The following COBL variants were observed in gnomAD, a reference collection of about 807,000 sequenced individuals.
The protein encoded by COBL is cordon-bleu WH2 repeat protein.
In COBL, 51 loss-of-function variants were observed where a neutral mutation model predicts 98.8. The observed-to-expected ratio is 0.52, with a 90% CI of 0.41 to 0.65. COBL has a LOEUF of 0.65. Ranked by LOEUF, COBL falls within the 30% of genes least tolerant of loss-of-function variation. The pLI is 0.00. For synonymous variants in COBL, 634 were observed against 651.7 expected, an observed-to-expected ratio of 0.97 and a Z score of 0.41; for missense variants, 1,617 against 1,617.5, an observed-to-expected ratio of 1.00 and a Z score of 0.01.
chr7:51,213,065 C>A (rs1480676895), intron 2 of COBL, among the ~76,000 whole-genome samples: 1 of 152,224 alleles, frequency 6.6e-6, no homozygotes, highest in South Asian at 2.1e-4. Flanking sequence ...ACTGTCAAAT[C>A]TTAAACTGGT....
At chr7:51,067,182 C>T (rs1792019074) in intron 7 of COBL, among the ~76,000 whole-genome samples, 1 of 152,208 alleles carries the variant, frequency 6.6e-6, no homozygotes, top group South Asian at 2.1e-4. Flanking sequence ...CTGTCCTTGG[C>T]CTCATATCTT....
chr7:51,309,100 T>C (rs751718135), intron 1 of COBL, among the ~76,000 whole-genome samples: 41 of 152,080 alleles, frequency 2.7e-4, no homozygotes, highest in Non-Finnish European at 4.6e-4. Context: ...AACACCTACG[T>C]TCCCCCGGCC....
At chr7:51,040,179 A>T (rs187398619) in intron 8 of COBL, among the ~76,000 whole-genome samples, 57 of 146,490 alleles carry the variant, frequency 3.9e-4, no homozygotes, top group Non-Finnish European at 6.5e-4. Flanking sequence ...TTGTCAGTTG[A>T]GATAATTTCT....
chr7:51,172,326 G>A lies in COBL; in HGVS notation c.783+11776C>T, dbSNP rs887960829. On this transcript the variant is annotated intron_variant, in intron 5 of 12. Coordinates refer to ENST00000265136, the MANE Select transcript of COBL (RefSeq NM_015198.5). ...AAAAAAGAATCAATAGGCGGCTTTC[G>A]ACTCTATCTAGACTACAAAAAACAA... is the stretch of plus-strand genomic sequence containing the variant. The A allele has an allele frequency of 1.4e-5, 5 of 347,670 alleles. No individual in the cohort carries two copies. The East Asian group carries it at 3.7e-4, about 25-fold the overall frequency. 21.5% of individuals were successfully genotyped at this position (347,670 alleles called of 1,614,324 possible).
At chr7:51,021,222 C>T (rs547193601) in intron 12 of COBL, 1 of 152,350 alleles carries the variant, frequency 6.6e-6, no homozygotes, top group South Asian at 2.1e-4. Flanking sequence ...TACTGAGAAC[C>T]TATGGAGAAA....
At chr7:51,122,260 C>T (rs1233554290) in intron 6 of COBL, among the ~76,000 whole-genome samples, 1 of 152,224 alleles carries the variant, frequency 6.6e-6, no homozygotes, top group Admixed American at 6.5e-5. Flanking sequence ...CCTTTCTCTG[C>T]ACACTGGCGT....
At chr7:51,201,092 T>C (rs1256886823) in intron 2 of COBL, among the ~76,000 whole-genome samples, 1 of 151,648 alleles carries the variant, frequency 6.6e-6, no homozygotes, top group African/African-American at 2.4e-5. Context: ...TACCAAAAAT[T>C]AGCTGGGCGT....
At chr7:51,219,614 T>A in intron 2 of COBL, 127 bp downstream of exon 2, 1 of 978,196 alleles carries the variant, frequency 1.0e-6, no homozygotes, top group Non-Finnish European at 1.5e-6. Flanking sequence ...CCGATTTATA[T>A]CCATGAGGTT....
At chr7:51,054,548 G>GT (rs1213741266) in intron 7 of COBL, among the ~76,000 whole-genome samples, 1 of 152,112 alleles carries the variant, frequency 6.6e-6, no homozygotes, top group Non-Finnish European at 1.5e-5. Context: ...ACTTTCTGAT[G>GT]TTTTTTCTCC....
intron 1 of COBL, among the ~76,000 whole-genome samples, chr7:51,294,045 C>T (rs1046614099): frequency 7.2e-5 from 11 of 152,154 alleles, no homozygotes; most frequent in African/African-American, 2.4e-4. Context: ...AATCTCAGCA[C>T]TTTGGGAGGC....
chr7:51,024,507 T>C (rs1490574428), intron 12 of COBL, among the ~76,000 whole-genome samples: 11 of 151,956 alleles, frequency 7.2e-5, no homozygotes, highest in Non-Finnish European at 1.5e-5. Context: ...AGGAATTCCA[T>C]TGCAGGGGCC....
intron 1 of COBL, among the ~76,000 whole-genome samples, chr7:51,255,350 C>T (rs1171986683): frequency 6.6e-6 from 1 of 152,174 alleles, no homozygotes; most frequent in African/African-American, 2.4e-5. Flanking sequence ...CTCTGGGAAA[C>T]TCATCAACAA....
chr7:51,076,531 A>C (rs780633311), intron 7 of COBL, among the ~76,000 whole-genome samples: 23 of 152,220 alleles, frequency 1.5e-4, no homozygotes, highest in Non-Finnish European at 3.1e-4. Context: ...CTTAAAATGT[A>C]AATCATTATT....
intron 1 of COBL, among the ~76,000 whole-genome samples, chr7:51,255,629 C>T (rs1267496044): frequency 1.3e-5 from 2 of 152,170 alleles, no homozygotes; most frequent in Non-Finnish European, 2.9e-5. Context: ...ACCAGTGGCA[C>T]GACTAGGAAA....
intron 1 of COBL, among the ~76,000 whole-genome samples, chr7:51,292,314 CT>C (rs1800981635): frequency 6.6e-6 from 1 of 152,166 alleles, no homozygotes. Flanking sequence ...TGAAATGAAT[CT>C]TCAAATCAAT....
At chr7:51,029,810 G>C (rs1380947250) in intron 9 of COBL, among the ~76,000 whole-genome samples, 1 of 152,176 alleles carries the variant, frequency 6.6e-6, no homozygotes, top group African/African-American at 2.4e-5. Context: ...GATGTTTCAA[G>C]GCAAGGTATT....
Position 51,038,245 on chromosome 7 carries a change from G to A in COBL, c.1406+5138C>T, listed in dbSNP as rs552519137. On this transcript the variant is annotated intron_variant, in intron 8 of 12. Coordinates refer to ENST00000265136, the MANE Select transcript of COBL (RefSeq NM_015198.5). ...TTAATGCCTTGGCTCCAAGGACACCGAATGGAGCCCACCAATGCTGCCATG... is the reference window on the plus strand; with the variant it reads ...TTAATGCCTTGGCTCCAAGGACACCAAATGGAGCCCACCAATGCTGCCATG... 3.3e-5 allele frequency among the ~76,000 whole-genome samples: 5 copies of A among 152,320 alleles called. No individual in the cohort carries two copies. The East Asian group carries it at 7.7e-4, about 24-fold the overall frequency.
At chr7:51,207,095 T>C (rs1791806803) in intron 2 of COBL, among the ~76,000 whole-genome samples, 1 of 152,192 alleles carries the variant, frequency 6.6e-6, no homozygotes, top group South Asian at 2.1e-4. Flanking sequence ...ATTTCACAAA[T>C]ATATATGTAT....
At chr7:51,046,063 G>C (rs1789656966) in intron 7 of COBL, among the ~76,000 whole-genome samples, 1 of 118,584 alleles carries the variant, frequency 8.4e-6, no homozygotes, top group Non-Finnish European at 1.5e-5. Context: ...AGCAGGTGGG[G>C]GTGGGGGGGC....
Sources: allele counts gnomAD v4.1 joint callset (sites outside exome capture counted in the v4.1 genomes callset), GRCh38; gene constraint gnomAD v4.1.1; transcripts MANE v1.5; gene names NCBI Gene and HGNC (gene_info 2026-07-23, HGNC 2026-07-21).